LRRC63: variants seen among roughly 807,000 people sequenced by gnomAD.
LRRC63 encodes the protein leucine rich repeat containing 63, also known as leucine-rich repeat-containing protein 63.
In LRRC63, 40 loss-of-function variants were observed where a neutral mutation model predicts 49.5. The ratio of observed to expected loss-of-function variants is 0.81; its 90% CI spans 0.63 to 1.05. The LOEUF (loss-of-function observed/expected upper bound fraction) is 1.05, where lower values mean the gene tolerates loss of function less well. Among genes scored for constraint, LRRC63 ranks in the 50% least tolerant of loss-of-function variants. The probability of loss-of-function intolerance (pLI) is 0.00; values close to 1 mark genes in which losing one functional copy is unlikely to be tolerated. For missense variants in LRRC63, 636 were observed against 663.1 expected (o/e 0.96, Z 0.45); for synonymous variants, 191 against 221.1 (o/e 0.86, Z 1.21).
At chr13:46,217,861 T>C (rs957944991) in intron 2 of LRRC63, among the ~76,000 whole-genome samples, 3 of 152,226 alleles carry the variant, frequency 2.0e-5, no homozygotes, top group Non-Finnish European at 2.9e-5. Context: ...AATTTCGTTA[T>C]TTACCCAGTA....
chr13:46,247,695 TA>T (rs2047253079), intron 6 of LRRC63, among the ~76,000 whole-genome samples: 1 of 152,026 alleles, frequency 6.6e-6, no homozygotes. Flanking sequence ...AGGCAATGAA[TA>T]AAAGGCTGGG....
intron 5 of LRRC63, among the ~76,000 whole-genome samples, chr13:46,245,233 G>A (rs935704002): frequency 6.6e-6 from 1 of 152,064 alleles, no homozygotes; most frequent in South Asian, 2.1e-4. Context: ...GTGAGAAGTA[G>A]AACAATTCAC....
chr13:46,265,707 A>G (rs529793921), intron 8 of LRRC63, among the ~76,000 whole-genome samples: 184 of 152,364 alleles, frequency 1.2e-3, no homozygotes, highest in African/African-American at 4.2e-3. Context: ...AGACCAGAGC[A>G]GGGCTCTCTG....
chr13:46,263,633 T>C (rs2047644868), intron 8 of LRRC63, among the ~76,000 whole-genome samples: 2 of 152,186 alleles, frequency 1.3e-5, no homozygotes, highest in Non-Finnish European at 2.9e-5. Flanking sequence ...ACAGTTATTT[T>C]CTTTGGAAAG....
chr13:46,260,267 T>C (rs544321547), intron 7 of LRRC63, among the ~76,000 whole-genome samples: 8 of 152,284 alleles, frequency 5.3e-5, no homozygotes, highest in African/African-American at 1.7e-4. Context: ...GAAAATGATA[T>C]GATATTGAAT....
chr13:46,266,409 A>G (rs1343974365), intron 8 of LRRC63, among the ~76,000 whole-genome samples: 3 of 152,196 alleles, frequency 2.0e-5, no homozygotes, highest in Non-Finnish European at 4.4e-5. Flanking sequence ...TGTGTATCAT[A>G]CTATACCATA....
chr13:46,258,701 A>C (rs1366863399), intron 7 of LRRC63, among the ~76,000 whole-genome samples: 1 of 149,610 alleles, frequency 6.7e-6, no homozygotes, highest in Non-Finnish European at 1.5e-5. Flanking sequence ...CCAGCTACTC[A>C]GGAGGCTGAG....
intron 5 of LRRC63, among the ~76,000 whole-genome samples, chr13:46,246,100 C>T (rs1044413654): frequency 6.6e-6 from 1 of 152,056 alleles, no homozygotes; most frequent in Non-Finnish European, 1.5e-5. Flanking sequence ...GTGTGTGGCA[C>T]CTCCCCCGTC....
At position 46,276,826 on chromosome 13, in the gene LRRC63, G is replaced by GTATATATATATATATATATATA. The variant is rs752992115; in HGVS notation, c.*24_*25insATATATATATATATATATATAT. 36 of 165,294 alleles carry GTATATATATATATATATATATA rather than the reference G, an allele frequency of 2.2e-4. 1 individual carries two copies. Among genetic ancestry groups the GTATATATATATATATATATATA allele is most frequent in the Admixed American group, 3.3e-4 (4 of 12,304 alleles). The allele number at this position is 165,294 out of a possible 1,614,324, so 10.2% of individuals were successfully genotyped here. A position where few individuals can be genotyped will look rare whatever the true frequency, so the allele number is the denominator to read the frequency against. ...TAGTACAATGATTTATCGTATGTGT[G>GTATATATATATATATATATATA]TGTATATATATATATATATATATAT... On this transcript the variant is annotated 3_prime_UTR_variant, in exon 10 of 10. Coordinates refer to ENST00000595396, the Ensembl canonical transcript of LRRC63.
At chr13:46,275,068 A>T (rs908850668) in intron 9 of LRRC63, among the ~76,000 whole-genome samples, 3 of 152,020 alleles carry the variant, frequency 2.0e-5, no homozygotes, top group Non-Finnish European at 4.4e-5. Flanking sequence ...TTTAGTTTCC[A>T]CATGAGTGCC....
intron 7 of LRRC63, among the ~76,000 whole-genome samples, chr13:46,259,877 T>C (rs1480302537): frequency 3.9e-5 from 6 of 152,210 alleles, no homozygotes; most frequent in African/African-American, 1.4e-4. Context: ...GAAATTATTA[T>C]TGCTAGTCTA....
chr13:46,233,075 A>T (rs1283537926), intron 4 of LRRC63, among the ~76,000 whole-genome samples: 2 of 152,210 alleles, frequency 1.3e-5, no homozygotes, highest in Admixed American at 6.5e-5. Context: ...GATGTAAATT[A>T]ACTTCCGGGT....
chr13:46,240,126 CT>C (rs35181820), intron 5 of LRRC63, among the ~76,000 whole-genome samples: 46,860 of 119,788 alleles, frequency 0.39, 8,673 homozygotes, highest in African/African-American at 0.53. Context: ...CTCTCTTTTT[CT>C]TTTTTTTTTT....
chr13:46,259,909 G>T (rs968976584), intron 7 of LRRC63, among the ~76,000 whole-genome samples: 1 of 152,108 alleles, frequency 6.6e-6, no homozygotes, highest in Admixed American at 6.6e-5. Context: ...TAACAGTAGG[G>T]CTCTAGTTTA....
chr13:46,238,184 G>C (rs1339022381), intron 5 of LRRC63, among the ~76,000 whole-genome samples: 1 of 152,138 alleles, frequency 6.6e-6, no homozygotes, highest in Non-Finnish European at 1.5e-5. Flanking sequence ...AAAAGACTGA[G>C]ACTCCCTCAC....
At chr13:46,231,278 T>G (rs2046747870) in intron 4 of LRRC63, among the ~76,000 whole-genome samples, 1 of 152,210 alleles carries the variant, frequency 6.6e-6, no homozygotes, top group Non-Finnish European at 1.5e-5. Context: ...TGTTAGTTTG[T>G]TCTTTCATTA....
At chr13:46,216,968 G>C (rs889902324) in intron 2 of LRRC63, among the ~76,000 whole-genome samples, 2 of 152,184 alleles carry the variant, frequency 1.3e-5, no homozygotes, top group African/African-American at 2.4e-5. Flanking sequence ...CGACTTGATT[G>C]TGGTGGATAA....
chr13:46,265,471 G>A (rs541674061), intron 8 of LRRC63, among the ~76,000 whole-genome samples: 1 of 152,318 alleles, frequency 6.6e-6, no homozygotes, highest in African/African-American at 2.4e-5. Flanking sequence ...CCCAGCAGAT[G>A]TGGTGTCTGG....
chr13:46,274,983 C>T (rs1404140611), intron 9 of LRRC63, among the ~76,000 whole-genome samples: 1 of 152,086 alleles, frequency 6.6e-6, no homozygotes, highest in Non-Finnish European at 1.5e-5. Flanking sequence ...CCTCTCCTAT[C>T]CTCCTCTTCC....
Sources: gnomAD v4.1 joint callset for allele counts (sites outside exome capture counted in the v4.1 genomes callset) on GRCh38, gnomAD v4.1.1 for gene constraint, MANE v1.5 for transcripts, NCBI Gene and HGNC (gene_info 2026-07-23, HGNC 2026-07-21) for gene names.